The following NUP93 variants were observed in gnomAD, a reference collection of about 807,000 sequenced individuals.
NUP93 encodes nuclear pore complex protein Nup93.
In NUP93, 55 loss-of-function variants were observed where a neutral mutation model predicts 107.8. The ratio of observed to expected loss-of-function variants is 0.51; its 90% CI spans 0.41 to 0.64. The LOEUF (loss-of-function observed/expected upper bound fraction) is 0.64, where lower values mean the gene tolerates loss of function less well. NUP93 is among the 30% of genes least tolerant of loss of function. NUP93 has a pLI of 0.00. For synonymous variants in NUP93, 390 were observed against 397.5 expected (o/e 0.98, Z 0.22); for missense variants, 937 against 1,044.7 (o/e 0.90, Z 1.42).
At position 56,786,108 on chromosome 16, in the gene NUP93, T is replaced by C. The variant is rs868321425; in HGVS notation, c.298-12368T>C. Among the ~76,000 whole-genome samples the C allele has an allele frequency of 3.3e-5, 5 of 152,250 alleles. No homozygotes were observed. The South Asian group carries it at 6.2e-4, about 19-fold the overall frequency. ...TTTTAGTTATTTTATATATAAAATA[T>C]ATATTTTGGCCACCTTCAAAAACAA... On this transcript the variant is annotated intron_variant, in intron 3 of 21. Coordinates refer to ENST00000308159, the MANE Select transcript of NUP93 (RefSeq NM_014669.5).
intron 3 of NUP93, among the ~76,000 whole-genome samples, chr16:56,795,645 T>TTTTTA: frequency 6.6e-6 from 1 of 151,510 alleles, no homozygotes; most frequent in East Asian, 1.9e-4. Context: ...TTTATTTTTA[T>TTTTTA]TTTTATTTTT....
At chr16:56,787,243 G>C (rs1962647807) in intron 3 of NUP93, among the ~76,000 whole-genome samples, 1 of 152,224 alleles carries the variant, frequency 6.6e-6, no homozygotes, top group Non-Finnish European at 1.5e-5. Flanking sequence ...AGCAAAACCA[G>C]AGCTCCCTTT....
Position 56,834,367 on chromosome 16 carries a change from C to G in NUP93, c.1665-3C>G. The G allele has an allele frequency of 6.2e-7, 1 of 1,614,076 alleles. No homozygotes were observed. The highest frequency in any genetic ancestry group is 8.5e-7 in the Non-Finnish European group (1 of 1,179,912). On this transcript the variant is annotated splice_region_variant and splice_polypyrimidine_tract_variant and intron_variant, in intron 14 of 21. Coordinates refer to ENST00000308159, the MANE Select transcript of NUP93 (RefSeq NM_014669.5). The stretch of plus-strand genomic sequence containing the variant: ...GAAACTGAGTTGTTTATTTCCCTTA[C>G]AGGGATGAGAAAGATAGTCAAGGAG...
chr16:56,741,431 G>A (rs557169315), intron 1 of NUP93, among the ~76,000 whole-genome samples: 15 of 152,314 alleles, frequency 9.8e-5, no homozygotes, highest in Admixed American at 3.3e-4. Flanking sequence ...TATCTCAGAG[G>A]TAAATCAGTT....
At chr16:56,827,766 C>T (rs1414560209) in intron 8 of NUP93, among the ~76,000 whole-genome samples, 1 of 152,182 alleles carries the variant, frequency 6.6e-6, no homozygotes, top group Non-Finnish European at 1.5e-5. Flanking sequence ...ACCAGCTACT[C>T]AGGAGATTGA....
chr16:56,835,944 C>T (rs1386768567), intron 16 of NUP93, among the ~76,000 whole-genome samples: 3 of 151,994 alleles, frequency 2.0e-5, no homozygotes, highest in African/African-American at 7.2e-5. Context: ...CTGGCTAACA[C>T]GGTGAAACCC....
intron 2 of NUP93, among the ~76,000 whole-genome samples, chr16:56,757,891 A>G (rs1962054151): frequency 1.3e-5 from 2 of 152,138 alleles, no homozygotes; most frequent in Non-Finnish European, 2.9e-5. Context: ...CTTCTACAAT[A>G]TTGTAGTTCA....
intron 1 of NUP93, among the ~76,000 whole-genome samples, chr16:56,732,791 G>C (rs1489654767): frequency 6.6e-6 from 1 of 152,194 alleles, no homozygotes; most frequent in African/African-American, 2.4e-5. Flanking sequence ...GGTGTGTTCA[G>C]GGAACAGGTC....
At chr16:56,836,282 CA>C (rs1963908788) in intron 16 of NUP93, among the ~76,000 whole-genome samples, 1 of 152,136 alleles carries the variant, frequency 6.6e-6, no homozygotes, top group African/African-American at 2.4e-5. Context: ...TACTTATCAG[CA>C]AATTTAAAAT....
At chr16:56,830,468 C>A (rs1176026283) in intron 9 of NUP93, 60 bp from the exon 10 acceptor site, 18 of 1,474,224 alleles carry the variant, frequency 1.2e-5, no homozygotes, top group Middle Eastern at 1.8e-4. Flanking sequence ...GGTTTTAGCA[C>A]ATATGAAAGC....
In NUP93 at chr16:56,818,687, AC is replaced by A. The variant is rs2144604307; in HGVS notation, c.518del (p.Pro173LeufsTer25). 6.2e-7 allele frequency: 1 copy of A among 1,613,878 alleles called. No individual in the cohort carries two copies. Among genetic ancestry groups the A allele is most frequent in the Non-Finnish European group, 8.5e-7 (1 of 1,179,918 alleles). On this transcript the variant is annotated frameshift_variant, in exon 6 of 22. Coordinates refer to ENST00000308159, the MANE Select transcript of NUP93 (RefSeq NM_014669.5). LOFTEE classifies it high-confidence loss of function. ...SEPSYISDVGPPGRSSLDNIE... is the reference protein window; with the variant it reads ...SEPSYISDVGXPGRSSLDNIE... ...AGCCAAGCTACATCAGTGATGTGGG[AC>A]CCCCTGGTCGAAGCTCTCTGGATAA...
At chr16:56,796,507 G>T (rs1458668188) in intron 3 of NUP93, among the ~76,000 whole-genome samples, 4 of 152,196 alleles carry the variant, frequency 2.6e-5, no homozygotes, top group African/African-American at 9.7e-5. Context: ...GTTATTAAAT[G>T]ATGCTTGACT....
At chr16:56,836,234 T>C (rs1381512717) in intron 16 of NUP93, among the ~76,000 whole-genome samples, 1 of 152,166 alleles carries the variant, frequency 6.6e-6, no homozygotes, top group African/African-American at 2.4e-5. Context: ...ATTTTTCAGA[T>C]ATTTTTTCTA....
chr16:56,831,322 T>C (rs1963781977), intron 10 of NUP93, among the ~76,000 whole-genome samples: 1 of 152,226 alleles, frequency 6.6e-6, no homozygotes, highest in African/African-American at 2.4e-5. Context: ...TAGGATACTT[T>C]TCTTGGCAGC....
At chr16:56,817,794 C>T (rs972346344) in intron 5 of NUP93, among the ~76,000 whole-genome samples, 1 of 152,030 alleles carries the variant, frequency 6.6e-6, no homozygotes, top group Non-Finnish European at 1.5e-5. Flanking sequence ...GTTACAGTTG[C>T]CTACAGTATC....
At chr16:56,808,783 TATAA>T (rs1203029015) in intron 5 of NUP93, among the ~76,000 whole-genome samples, 4 of 144,854 alleles carry the variant, frequency 2.8e-5, no homozygotes, top group Non-Finnish European at 4.5e-5. Context: ...TAAATACATA[TATAA>T]ATATGTATAT....
At chr16:56,756,540 T>A (rs554203621) in intron 2 of NUP93, among the ~76,000 whole-genome samples, 1 of 152,276 alleles carries the variant, frequency 6.6e-6, no homozygotes, top group Non-Finnish European at 1.5e-5. Context: ...AACCAGTCTA[T>A]CATTGATGGG....
chr16:56,834,588 ATATT>A, intron 15 of NUP93, 142 bp from the exon 16 acceptor site: 1 of 1,109,224 alleles, frequency 9.0e-7, no homozygotes, highest in East Asian at 2.5e-5. Context: ...AACAATGAAA[ATATT>A]TATTTCAGTC....
chr16:56,774,664 G>T (rs374077395), intron 3 of NUP93, among the ~76,000 whole-genome samples: 4 of 152,148 alleles, frequency 2.6e-5, no homozygotes, highest in African/African-American at 9.7e-5. Flanking sequence ...GAATCCTATT[G>T]TATAGATGGT....
Sources: allele counts gnomAD v4.1 joint callset (sites outside exome capture counted in the v4.1 genomes callset), GRCh38; gene constraint gnomAD v4.1.1; transcripts MANE v1.5; gene names NCBI Gene and HGNC (gene_info 2026-07-23, HGNC 2026-07-21).